The following NAV2 variants were observed in gnomAD, a reference collection of about 807,000 sequenced individuals.
The protein encoded by NAV2 is neuron navigator 2.
A neutral mutation model predicts 223.2 loss-of-function variants in NAV2; 54 were observed. That is an observed-to-expected ratio of 0.24 (90% CI 0.19 to 0.30). The LOEUF (loss-of-function observed/expected upper bound fraction) is 0.30. NAV2 is among the 10% of genes least tolerant of loss of function. The pLI, the probability that NAV2 is intolerant of heterozygous loss-of-function variation, is 1.00. For missense variants in NAV2, 2,806 were observed against 3,147.5 expected (o/e 0.89, Z 2.60); for synonymous variants, 1,279 against 1,239.3 (o/e 1.03, Z -0.67).
At chr11:19,647,127 A>T (rs1195201650) in intron 1 of NAV2, among the ~76,000 whole-genome samples, 1 of 152,180 alleles carries the variant, frequency 6.6e-6, no homozygotes, top group Non-Finnish European at 1.5e-5. Flanking sequence ...GATTGTCCAG[A>T]TAGATTTCCC....
chr11:19,464,478 G>A (rs1205744209), intron 1 of NAV2, among the ~76,000 whole-genome samples: 1 of 152,220 alleles, frequency 6.6e-6, no homozygotes, highest in Non-Finnish European at 1.5e-5. Context: ...GAGAGGGCCT[G>A]GCATTCAGAC....
intron 3 of NAV2, among the ~76,000 whole-genome samples, chr11:19,847,745 C>T (rs1014978745): frequency 6.6e-6 from 1 of 152,122 alleles, no homozygotes; most frequent in African/African-American, 2.4e-5. Flanking sequence ...TTGTCTTGTG[C>T]CAAGCACCAT....
chr11:19,860,516 G>A (rs71453080), intron 3 of NAV2, among the ~76,000 whole-genome samples: 36,385 of 149,140 alleles, frequency 0.24, 4,294 homozygotes, highest in Non-Finnish European at 0.31. Flanking sequence ...ATGGGATGGC[G>A]GCTGGGCAGA....
chr11:19,689,168 G>T (rs979567829), intron 1 of NAV2, among the ~76,000 whole-genome samples: 8 of 152,196 alleles, frequency 5.3e-5, no homozygotes, highest in Admixed American at 3.3e-4. Context: ...GACAAAGGCT[G>T]TGTGACAATG....
At position 20,062,929 on chromosome 11, in the gene NAV2, G is replaced by A. The variant is rs568053158; in HGVS notation, c.4884+570G>A. ...AGGCTGGTCTCAAACTCCTGACCTT[G>A]TGATCCACCCACCTCGGCCTCCCAA... On this transcript the variant is annotated intron_variant, in intron 20 of 37. Coordinates refer to ENST00000349880, the MANE Select transcript of NAV2 (RefSeq NM_145117.5). Among the ~76,000 whole-genome samples the A allele has an allele frequency of 3.9e-5, 6 of 152,274 alleles. No individual in the cohort carries two copies. In the South Asian group the frequency reaches 1.2e-3, roughly 32 times the overall value.
At chr11:19,948,237 C>T (rs1268494839) in intron 9 of NAV2, among the ~76,000 whole-genome samples, 1 of 152,126 alleles carries the variant, frequency 6.6e-6, no homozygotes, top group African/African-American at 2.4e-5. Context: ...AGGCACATGC[C>T]ACTATGCCCA....
intron 1 of NAV2, among the ~76,000 whole-genome samples, chr11:19,747,476 C>T (rs912818046): frequency 1.3e-5 from 2 of 152,124 alleles, no homozygotes; most frequent in African/African-American, 4.8e-5. Context: ...ATATAGGAGT[C>T]AAATTCATTA....
intron 1 of NAV2, among the ~76,000 whole-genome samples, chr11:19,357,575 TA>T (rs1254539178): frequency 6.6e-6 from 1 of 152,200 alleles, no homozygotes; most frequent in Non-Finnish European, 1.5e-5. Flanking sequence ...AAAATCCCTG[TA>T]AGAGGCCTAT....
chr11:19,451,549 A>C (rs1254862803), intron 1 of NAV2, among the ~76,000 whole-genome samples: 1 of 152,210 alleles, frequency 6.6e-6, no homozygotes, highest in Non-Finnish European at 1.5e-5. Flanking sequence ...CTAAAGCTGG[A>C]GACAGAGATT....
chr11:20,061,135 G>A (rs902174275), intron 19 of NAV2, among the ~76,000 whole-genome samples: 12 of 152,302 alleles, frequency 7.9e-5, no homozygotes, highest in East Asian at 1.9e-4. Flanking sequence ...GTCCTGTGAC[G>A]CCTTAACATA....
chr11:19,740,564 TA>T (rs202166702), intron 1 of NAV2, among the ~76,000 whole-genome samples: 11 of 150,440 alleles, frequency 7.3e-5, no homozygotes, highest in East Asian at 1.9e-4. Context: ...CAATAAATAC[TA>T]AAAAAAAATA....
intron 10 of NAV2, among the ~76,000 whole-genome samples, chr11:19,979,627 A>G (rs1181662318): frequency 6.6e-6 from 1 of 152,178 alleles, no homozygotes; most frequent in Non-Finnish European, 1.5e-5. Context: ...CATCTGTTAT[A>G]CCACTTTTAT....
chr11:19,545,644 A>T (rs1210916043), intron 1 of NAV2, among the ~76,000 whole-genome samples: 1 of 152,202 alleles, frequency 6.6e-6, no homozygotes, highest in African/African-American at 2.4e-5. Context: ...TAGTAAGAAA[A>T]CTAAGCACTA....
intron 1 of NAV2, among the ~76,000 whole-genome samples, chr11:19,376,514 G>C (rs1012914470): frequency 6.6e-6 from 1 of 152,186 alleles, no homozygotes; most frequent in Admixed American, 6.5e-5. Context: ...GCCTGGACTC[G>C]AACCCAACTT....
intron 1 of NAV2, among the ~76,000 whole-genome samples, chr11:19,739,925 T>C (rs1452439552): frequency 6.6e-6 from 1 of 152,162 alleles, no homozygotes; most frequent in Non-Finnish European, 1.5e-5. Context: ...TGAATTTAAA[T>C]TTCACAGTAG....
chr11:20,068,106 A>G (rs2059164295), intron 20 of NAV2, 80 bp from the exon 21 acceptor site: 2 of 1,222,358 alleles, frequency 1.6e-6, no homozygotes, highest in African/African-American at 3.0e-5. Flanking sequence ...CAACCATCTG[A>G]ATATGGTGTT....
At chr11:20,113,475 AG>A (rs2062803244) in intron 36 of NAV2, among the ~76,000 whole-genome samples, 1 of 152,246 alleles carries the variant, frequency 6.6e-6, no homozygotes, top group Non-Finnish European at 1.5e-5. Context: ...TTGAGGCTTA[AG>A]AAAAGGAGCT....
chr11:20,070,606 G>A (rs142150156), intron 22 of NAV2, among the ~76,000 whole-genome samples: 101 of 152,302 alleles, frequency 6.6e-4, no homozygotes, highest in African/African-American at 2.1e-3. Flanking sequence ...ACTGCTGGAA[G>A]GGTGAACATG....
intron 1 of NAV2, among the ~76,000 whole-genome samples, chr11:19,414,194 A>G (rs895899866): frequency 6.6e-6 from 1 of 152,250 alleles, no homozygotes. Flanking sequence ...AAAGAAACAC[A>G]TAGGCTCAAA....
Sources: gnomAD v4.1 joint callset for allele counts (sites outside exome capture counted in the v4.1 genomes callset) on GRCh38, gnomAD v4.1.1 for gene constraint, MANE v1.5 for transcripts, NCBI Gene and HGNC (gene_info 2026-07-23, HGNC 2026-07-21) for gene names.